The following DLC1 variants were observed in gnomAD, a reference collection of about 807,000 sequenced individuals.
DLC1 encodes DLC1 Rho GTPase activating protein, also known as rho GTPase-activating protein 7.
DLC1 carries 54 observed loss-of-function variants against 140.3 expected under a neutral mutation model. The ratio of observed to expected loss-of-function variants is 0.38; its 90% CI spans 0.31 to 0.48. The LOEUF (loss-of-function observed/expected upper bound fraction) is 0.48, where lower values mean the gene tolerates loss of function less well. Among genes scored for constraint, DLC1 ranks in the 20% least tolerant of loss-of-function variants. The probability of loss-of-function intolerance (pLI) is 0.96; values close to 1 mark genes in which losing one functional copy is unlikely to be tolerated. For synonymous variants in DLC1, 986 were observed against 728.1 expected, an observed-to-expected ratio of 1.35 and a Z score of -5.70; for missense variants, 2,536 against 1,907.0, an observed-to-expected ratio of 1.33 and a Z score of -6.14.
Position 13,440,205 on chromosome 8 carries a change from G to C in DLC1, c.1024-38586C>G, listed in dbSNP as rs1420661059. On this transcript the variant is annotated intron_variant, in intron 2 of 17. Coordinates refer to ENST00000276297, the MANE Select transcript of DLC1 (RefSeq NM_182643.3). ...ATCATAGAAGCCTGTTTTATTTGCG[G>C]TGTATCTTGTAGAAATAGGGTTCTA... Among the ~76,000 whole-genome samples the C allele has an allele frequency of 3.3e-5, 5 of 152,120 alleles. No individual in the cohort carries two copies. The East Asian group carries it at 5.8e-4, about 18-fold the overall frequency.
At chr8:13,300,612 A>G (rs572253711) in intron 5 of DLC1, among the ~76,000 whole-genome samples, 5 of 152,270 alleles carry the variant, frequency 3.3e-5, no homozygotes, top group Admixed American at 2.0e-4. Context: ...CCCAGGGCAC[A>G]GAGGCAGGGA....
At chr8:13,274,822 C>A (rs1321411074) in intron 5 of DLC1, among the ~76,000 whole-genome samples, 1 of 152,082 alleles carries the variant, frequency 6.6e-6, no homozygotes, top group Non-Finnish European at 1.5e-5. Flanking sequence ...TTTATAGAAT[C>A]TTTTCATTTG....
chr8:13,342,873 A>C, intron 4 of DLC1: 1 of 144,820 alleles, frequency 6.9e-6, no homozygotes, highest in South Asian at 2.2e-4. Flanking sequence ...CGTCCAACAT[A>C]TCCATTTGTT....
chr8:13,328,878 ACT>A (rs1563257564), intron 4 of DLC1, among the ~76,000 whole-genome samples: 5 of 151,978 alleles, frequency 3.3e-5, no homozygotes, highest in African/African-American at 1.2e-4. Context: ...GTGATCTGGG[ACT>A]AGGTGAGATG....
chr8:13,114,771 G>A (rs1396280953), intron 6 of DLC1, among the ~76,000 whole-genome samples: 3 of 152,124 alleles, frequency 2.0e-5, no homozygotes, highest in African/African-American at 4.8e-5. Flanking sequence ...TTACCATGAA[G>A]GATTAGGGAA....
Position 13,256,724 on chromosome 8 carries a change from C to T in DLC1, c.1348+48545G>A, listed in dbSNP as rs747927136. Among the ~76,000 whole-genome samples, 15 of 151,802 alleles carry T rather than the reference C, an allele frequency of 9.9e-5. No individual in the cohort carries two copies. The East Asian group carries it at 2.7e-3, about 28-fold the overall frequency. On this transcript the variant is annotated intron_variant, in intron 5 of 17. Transcript: ENST00000276297. ...AACATCACACACTGGGGCCTGTTGG[C>T]GGGTGGGGGCAAGGGAAGGGAGAGC... is the stretch of plus-strand genomic sequence containing the variant.
At chr8:13,114,370 T>C (rs754021362) in intron 6 of DLC1, among the ~76,000 whole-genome samples, 2 of 151,930 alleles carry the variant, frequency 1.3e-5, no homozygotes, top group Admixed American at 6.6e-5. Flanking sequence ...TCAAAACAAA[T>C]AAATAAATAA....
intron 3 of DLC1, among the ~76,000 whole-genome samples, chr8:13,398,439 G>A (rs963215701): frequency 2.6e-5 from 4 of 151,902 alleles, no homozygotes; most frequent in East Asian, 1.9e-4. Context: ...AGAAAGGATG[G>A]GGAGAAATGA....
intron 5 of DLC1, among the ~76,000 whole-genome samples, chr8:13,221,744 ATGATAAACCAT>A (rs1471260358): frequency 7.0e-6 from 1 of 142,638 alleles, no homozygotes. Context: ...ATATATATAT[ATGATAAACCAT>A]TATATATAAT....
At chr8:13,313,891 A>G (rs937786179) in intron 4 of DLC1, among the ~76,000 whole-genome samples, 2 of 152,036 alleles carry the variant, frequency 1.3e-5, no homozygotes, top group African/African-American at 2.4e-5. Context: ...CAAACTAGCT[A>G]TTACTAGGTG....
chr8:13,109,905 C>T (rs1009106003), intron 7 of DLC1, among the ~76,000 whole-genome samples: 8 of 151,792 alleles, frequency 5.3e-5, no homozygotes, highest in Non-Finnish European at 1.0e-4. Context: ...GAAACAAAAA[C>T]AGAAACAAAA....
chr8:13,498,393 T>G (rs1801612912), intron 2 of DLC1, among the ~76,000 whole-genome samples: 1 of 152,182 alleles, frequency 6.6e-6, no homozygotes. Context: ...TTAGAATTAG[T>G]CAAAGGGGCT....
In DLC1 at chr8:13,085,945, G is replaced by C. The variant is rs755714407; in HGVS notation, c.4467-14C>G. On this transcript the variant is annotated splice_polypyrimidine_tract_variant and intron_variant, in intron 17 of 17. Coordinates refer to ENST00000276297, the MANE Select transcript of DLC1 (RefSeq NM_182643.3). ...GGCATGTGGCCCCTATCAGAGAAAA[G>C]AAAGAAAAGCTGATGAATTATTTAA... The C allele has an allele frequency of 9.9e-6, 16 of 1,610,450 alleles. No homozygotes were observed. Among genetic ancestry groups the C allele is most frequent in the Admixed American group, 6.8e-5 (4 of 59,054 alleles).
At chr8:13,347,079 A>G (rs1834374433) in intron 4 of DLC1, among the ~76,000 whole-genome samples, 1 of 152,200 alleles carries the variant, frequency 6.6e-6, no homozygotes, top group Non-Finnish European at 1.5e-5. Context: ...CATATGATGT[A>G]TGTATAGGAG....
intron 3 of DLC1, among the ~76,000 whole-genome samples, chr8:13,397,847 C>A (rs928732444): frequency 5.3e-5 from 8 of 151,412 alleles, no homozygotes; most frequent in African/African-American, 1.7e-4. Flanking sequence ...AAGAACAAGA[C>A]CTTGGCCAGG....
intron 2 of DLC1, among the ~76,000 whole-genome samples, chr8:13,497,043 G>A (rs1801547410): frequency 6.6e-6 from 1 of 151,822 alleles, no homozygotes; most frequent in South Asian, 2.1e-4. Flanking sequence ...CTCGTGATAC[G>A]CCTGCCTCGG....
chr8:13,488,819 C>T (rs1378459032), intron 2 of DLC1, among the ~76,000 whole-genome samples: 1 of 152,188 alleles, frequency 6.6e-6, no homozygotes, highest in Non-Finnish European at 1.5e-5. Context: ...AATGTGTAAA[C>T]ACCTTTAGGT....
At chr8:13,483,558 C>A (rs1267523867) in intron 2 of DLC1, among the ~76,000 whole-genome samples, 1 of 152,034 alleles carries the variant, frequency 6.6e-6, no homozygotes, top group Non-Finnish European at 1.5e-5. Context: ...TAACCAAAAA[C>A]TAGTTAGGCA....
At chr8:13,316,741 A>C (rs1832875375) in intron 4 of DLC1, among the ~76,000 whole-genome samples, 1 of 152,094 alleles carries the variant, frequency 6.6e-6, no homozygotes, top group Non-Finnish European at 1.5e-5. Flanking sequence ...TGGGTTCTTT[A>C]CTTGCTTCCT....
Sources: allele counts gnomAD v4.1 joint callset (sites outside exome capture counted in the v4.1 genomes callset), GRCh38; gene constraint gnomAD v4.1.1; transcripts MANE v1.5; gene names NCBI Gene and HGNC (gene_info 2026-07-23, HGNC 2026-07-21).